Variants in SYN2 observed in about 807,000 individuals in gnomAD.
The protein encoded by SYN2 is synapsin-2.
Under a neutral mutation model 50.9 loss-of-function variants are expected in SYN2, and 19 were observed. That is an observed-to-expected ratio of 0.37 (90% CI 0.26 to 0.55). The LOEUF (loss-of-function observed/expected upper bound fraction) is 0.55. Among genes scored for constraint, SYN2 ranks in the 20% least tolerant of loss-of-function variants. SYN2 has a pLI of 0.81. For synonymous variants in SYN2, 255 were observed against 224.9 expected, an observed-to-expected ratio of 1.13 and a Z score of -1.20; for missense variants, 587 against 576.4, an observed-to-expected ratio of 1.02 and a Z score of -0.19.
At chr3:12,085,864 C>G (rs1239822341) in intron 1 of SYN2, among the ~76,000 whole-genome samples, 1 of 151,764 alleles carries the variant, frequency 6.6e-6, no homozygotes, top group East Asian at 1.9e-4. Flanking sequence ...CAGAGTAATC[C>G]CAAACTTAGC....
At chr3:12,015,170 A>G (rs1345030468) in intron 1 of SYN2, among the ~76,000 whole-genome samples, 10 of 152,176 alleles carry the variant, frequency 6.6e-5, no homozygotes, top group East Asian at 1.9e-4. Context: ...TACCTGGATA[A>G]TCTTCAAGAC....
chr3:12,069,054 C>T (rs537942304), intron 1 of SYN2, among the ~76,000 whole-genome samples: 131 of 152,228 alleles, frequency 8.6e-4, no homozygotes, highest in African/African-American at 2.9e-3. Context: ...TTTCACTTAG[C>T]GTAATGTTTT....
At chr3:12,063,426 A>G (rs1016697880) in intron 1 of SYN2, among the ~76,000 whole-genome samples, 1 of 152,022 alleles carries the variant, frequency 6.6e-6, no homozygotes, top group African/African-American at 2.4e-5. Context: ...AATGTATCCC[A>G]TGAGTGTGTG....
chr3:12,008,412 A>G (rs1474467015), intron 1 of SYN2, among the ~76,000 whole-genome samples: 2 of 152,160 alleles, frequency 1.3e-5, no homozygotes, highest in Non-Finnish European at 2.9e-5. Flanking sequence ...GATAAGATAA[A>G]TACTTTTGAA....
intron 7 of SYN2, among the ~76,000 whole-genome samples, chr3:12,166,652 T>C (rs927907650): frequency 6.6e-6 from 1 of 152,178 alleles, no homozygotes; most frequent in Non-Finnish European, 1.5e-5. Flanking sequence ...CAGAGTCACA[T>C]TGCTAATATT....
chr3:12,154,274 G>T, intron 5 of SYN2: 1 of 1,612,100 alleles, frequency 6.2e-7, no homozygotes, highest in Non-Finnish European at 8.5e-7. Flanking sequence ...ATGAATGAAG[G>T]CTCAGAACCC....
intron 1 of SYN2, among the ~76,000 whole-genome samples, chr3:12,066,344 A>T (rs944697644): frequency 1.6e-4 from 25 of 152,150 alleles, no homozygotes; most frequent in African/African-American, 4.8e-4. Flanking sequence ...AAATAAAATT[A>T]AAAAAATGAA....
At chr3:12,095,472 C>T (rs112557394) in intron 1 of SYN2, among the ~76,000 whole-genome samples, 4 of 125,048 alleles carry the variant, frequency 3.2e-5, no homozygotes, top group East Asian at 2.3e-4. Context: ...GGTGTGAACC[C>T]GGGAGTCAGA....
intron 1 of SYN2, among the ~76,000 whole-genome samples, chr3:12,068,221 C>CA (rs1695263136): frequency 1.3e-4 from 1 of 7,894 alleles, no homozygotes; most frequent in South Asian, 0.01. Context: ...CTGAAAATAT[C>CA]TTTATACTAC....
intron 5 of SYN2, chr3:12,154,486 G>C: frequency 6.2e-7 from 1 of 1,609,394 alleles, no homozygotes; most frequent in Non-Finnish European, 8.5e-7. Context: ...CAAGCATCAG[G>C]ATTCTTCTCC....
intron 1 of SYN2, among the ~76,000 whole-genome samples, chr3:12,110,435 G>A (rs959703241): frequency 8.5e-5 from 13 of 152,116 alleles, no homozygotes; most frequent in African/African-American, 2.2e-4. Flanking sequence ...TTATGGGGTC[G>A]GAGGACAGTG....
chr3:12,021,310 A>G (rs1010647013), intron 1 of SYN2, among the ~76,000 whole-genome samples: 1 of 152,196 alleles, frequency 6.6e-6, no homozygotes, highest in African/African-American at 2.4e-5. Context: ...GATTCTATGA[A>G]AGGTTTTTTT....
chr3:12,125,477 C>G (rs160212), intron 1 of SYN2, among the ~76,000 whole-genome samples: 142,204 of 152,316 alleles, frequency 0.93, 66,471 homozygotes, highest in East Asian at 1. Flanking sequence ...AAGCTACACT[C>G]AATAAAATCT....
At chr3:12,126,141 C>T (rs377167899) in intron 1 of SYN2, among the ~76,000 whole-genome samples, 1 of 152,162 alleles carries the variant, frequency 6.6e-6, no homozygotes, top group Non-Finnish European at 1.5e-5. Flanking sequence ...ACTGGGGAAA[C>T]AATATTTAAG....
In SYN2 at chr3:12,064,731, G is replaced by A. The variant is rs553116431; in HGVS notation, c.377+59803G>A. Among the ~76,000 whole-genome samples the A allele has an allele frequency of 1.1e-3, 162 of 152,230 alleles. 1 individual carries two copies. Among genetic ancestry groups the A allele is most frequent in the African/African-American group, 3.8e-3 (158 of 41,556 alleles). On this transcript the variant is annotated intron_variant, in intron 1 of 12. Coordinates refer to ENST00000621198, the MANE Select transcript of SYN2 (RefSeq NM_133625.6). The stretch of plus-strand genomic sequence containing the variant: ...TAATAAAAAAGACAGAGAATAACAA[G>A]TGTTGGTGAGGATGTGGAGAAATTG...
chr3:12,005,624 G>C (rs1328493151), intron 1 of SYN2, among the ~76,000 whole-genome samples: 2 of 151,272 alleles, frequency 1.3e-5, no homozygotes, highest in African/African-American at 4.9e-5. Flanking sequence ...TGTGCGTGGT[G>C]GGGGGCGGGG....
At chr3:12,172,405 G>T (rs1219061713) in intron 10 of SYN2, among the ~76,000 whole-genome samples, 2 of 152,206 alleles carry the variant, frequency 1.3e-5, no homozygotes, top group African/African-American at 2.4e-5. Flanking sequence ...TTCTCTGGAA[G>T]AACTCACAGA....
Position 12,169,878 on chromosome 3 carries a change from A to G in SYN2, c.1280A>G (p.Gln427Arg), listed in dbSNP as rs758085210. 4.3e-6 allele frequency: 7 copies of G among 1,611,938 alleles called. No homozygotes were observed. The Admixed American group carries it at 1.2e-4, about 27-fold the overall frequency. ...LLSRTPALSP[Q>R]RPLTTQQPQS... ...TCCAGGACTCCTGCCCTGTCTCCTC[A>G]GAGACCCCTAACAACCCAGCAGCCA... is the stretch of plus-strand genomic sequence containing the variant. Residue 427 changes from glutamine to arginine, a missense_variant, in exon 10 of 13, where the codon CAG becomes CGG. Transcript: ENST00000621198.
chr3:12,147,365 G>A (rs1697175641), intron 4 of SYN2, among the ~76,000 whole-genome samples: 1 of 152,182 alleles, frequency 6.6e-6, no homozygotes, highest in African/African-American at 2.4e-5. Context: ...AGGAGGGCTG[G>A]GAGCTGCCAT....
Sources: gnomAD v4.1 joint callset for allele counts (sites outside exome capture counted in the v4.1 genomes callset) on GRCh38, gnomAD v4.1.1 for gene constraint, MANE v1.5 for transcripts, NCBI Gene and HGNC (gene_info 2026-07-23, HGNC 2026-07-21) for gene names.